Variants in CAPZB observed in about 807,000 individuals in gnomAD.
CAPZB encodes F-actin-capping protein subunit beta.
In CAPZB, 2 loss-of-function variants were observed where a neutral mutation model predicts 38.1. The ratio of observed to expected loss-of-function variants is 0.05; its 90% CI spans 0.02 to 0.17. CAPZB has a LOEUF of 0.17. Among genes scored for constraint, CAPZB ranks in the 10% least tolerant of loss-of-function variants. CAPZB has a pLI of 1.00. For synonymous variants in CAPZB, 107 were observed against 127.4 expected, an observed-to-expected ratio of 0.84 and a Z score of 1.08; for missense variants, 161 against 334.2, an observed-to-expected ratio of 0.48 and a Z score of 4.04.
chr1:19,346,452 T>TAAAAAAAA (rs200968507), intron 6 of CAPZB, among the ~76,000 whole-genome samples: 3 of 73,250 alleles, frequency 4.1e-5, no homozygotes, highest in African/African-American at 1.8e-4. Flanking sequence ...TGAGAGAAGC[T>TAAAAAAAA]AAAAAAAAAA....
chr1:19,480,784 T>C (rs573924366), intron 1 of CAPZB, among the ~76,000 whole-genome samples: 1 of 152,246 alleles, frequency 6.6e-6, no homozygotes, highest in East Asian at 1.9e-4. Context: ...CCAGGCTCTA[T>C]TAGGTAAGTT....
intron 2 of CAPZB, among the ~76,000 whole-genome samples, chr1:19,398,425 G>A (rs371177707): frequency 1.3e-5 from 2 of 152,280 alleles, no homozygotes; most frequent in Non-Finnish European, 1.5e-5. Flanking sequence ...AAATCCTCAC[G>A]ATCACAAGCT....
intron 2 of CAPZB, among the ~76,000 whole-genome samples, chr1:19,403,610 T>A (rs61766719): frequency 0.038 from 5,822 of 152,320 alleles, 132 homozygotes; most frequent in African/African-American, 0.049. Flanking sequence ...TTATCCGAAG[T>A]GCATTTTGGC....
At chr1:19,417,845 C>T (rs997542884) in intron 2 of CAPZB, among the ~76,000 whole-genome samples, 1 of 152,096 alleles carries the variant, frequency 6.6e-6, no homozygotes, top group African/African-American at 2.4e-5. Context: ...GTTTAAAAAT[C>T]AGGATATTCT....
At chr1:19,383,373 G>A (rs1274988264) in intron 3 of CAPZB, among the ~76,000 whole-genome samples, 2 of 151,026 alleles carry the variant, frequency 1.3e-5, no homozygotes, top group Non-Finnish European at 2.9e-5. Context: ...CTTGAACCCA[G>A]GAGACAGAGG....
rs2094606880 is a variant in CAPZB at position 19,476,296 on chromosome 1, A to T, written c.3+9140T>A. Among the ~76,000 whole-genome samples the T allele has an allele frequency of 2.6e-5, 4 of 152,270 alleles. No individual in the cohort carries two copies. In the South Asian group the frequency reaches 8.3e-4, roughly 32 times the overall value. Reference sequence around the variant, plus strand: ...GCAGGCACTGTGGCACATGCCTGTTATCCCAGCTGCATGAGAGGCTGAAGG... The same window carrying T: ...GCAGGCACTGTGGCACATGCCTGTTTTCCCAGCTGCATGAGAGGCTGAAGG... On this transcript the variant is annotated intron_variant, in intron 1 of 8. Coordinates refer to ENST00000264202, the MANE Select transcript of CAPZB (RefSeq NM_004930.5).
chr1:19,470,445 C>T (rs2094583216), intron 1 of CAPZB, among the ~76,000 whole-genome samples: 1 of 152,172 alleles, frequency 6.6e-6, no homozygotes, highest in South Asian at 2.1e-4. Flanking sequence ...CCAATTGCCA[C>T]GAAGCTCTCT....
At chr1:19,342,919 C>T in intron 8 of CAPZB, 2 of 1,057,230 alleles carry the variant, frequency 1.9e-6, no homozygotes, top group Non-Finnish European at 3.0e-6. Flanking sequence ...GACGAGAAGC[C>T]AGGAACGCAG....
chr1:19,434,423 A>C (rs555264114), intron 1 of CAPZB, among the ~76,000 whole-genome samples: 1 of 152,132 alleles, frequency 6.6e-6, no homozygotes, highest in African/African-American at 2.4e-5. Context: ...TTAAATAAAA[A>C]AAAAACAAAA....
chr1:19,447,120 C>T (rs573364567), intron 1 of CAPZB, among the ~76,000 whole-genome samples: 1 of 152,286 alleles, frequency 6.6e-6, no homozygotes, highest in Admixed American at 6.5e-5. Context: ...CATCCCAGCC[C>T]TCACTGGGTG....
chr1:19,482,501 A>T (rs1179950731), intron 1 of CAPZB, among the ~76,000 whole-genome samples: 2 of 152,220 alleles, frequency 1.3e-5, no homozygotes, highest in African/African-American at 4.8e-5. Context: ...CATCATCATA[A>T]CTAAGAATAA....
intron 1 of CAPZB, among the ~76,000 whole-genome samples, chr1:19,423,357 G>T (rs2094408922): frequency 6.6e-6 from 1 of 151,978 alleles, no homozygotes; most frequent in Admixed American, 6.6e-5. Context: ...AACGGTACCG[G>T]AGAATGAAGC....
intron 8 of CAPZB, among the ~76,000 whole-genome samples, chr1:19,340,908 A>G (rs1354022564): frequency 6.6e-6 from 1 of 152,138 alleles, no homozygotes; most frequent in Non-Finnish European, 1.5e-5. Flanking sequence ...CGGAGAGTGC[A>G]CTCAGCCGGA....
At chr1:19,452,421 C>G (rs970550184) in intron 1 of CAPZB, among the ~76,000 whole-genome samples, 1 of 152,188 alleles carries the variant, frequency 6.6e-6, no homozygotes, top group Non-Finnish European at 1.5e-5. Flanking sequence ...GTGGTCGGCT[C>G]ATAGCCAATG....
intron 4 of CAPZB, among the ~76,000 whole-genome samples, chr1:19,362,609 CT>C (rs1395650320): frequency 6.6e-6 from 1 of 151,796 alleles, no homozygotes; most frequent in African/African-American, 2.4e-5. Flanking sequence ...GGTGGGAGGA[CT>C]GCTTGAGCCC....
Position 19,441,987 on chromosome 1 carries a change from C to T in CAPZB, c.4-22237G>A, listed in dbSNP as rs377524757. Among the ~76,000 whole-genome samples, 65 of 122,718 alleles carry T rather than the reference C, an allele frequency of 5.3e-4. 1 individual carries two copies. In the East Asian group the frequency reaches 0.012, roughly 22 times the overall value. The allele number at this position is 122,718 out of a possible 152,430, so 80.5% of individuals were successfully genotyped here. ...TTGTGCCACTGCACTCCAGCCTGGGCGACAGAGCAAGACTCTGTCTCCAAA... is the reference window on the plus strand; with the variant it reads ...TTGTGCCACTGCACTCCAGCCTGGGTGACAGAGCAAGACTCTGTCTCCAAA... On this transcript the variant is annotated intron_variant, in intron 1 of 8. Transcript: ENST00000264202.
chr1:19,458,730 T>G (rs534984450), intron 1 of CAPZB, among the ~76,000 whole-genome samples: 44 of 152,338 alleles, frequency 2.9e-4, no homozygotes, highest in Admixed American at 2.7e-3. Context: ...CTTCAATGTC[T>G]AAGGACAGAT....
chr1:19,417,701 G>A (rs1212305238), intron 2 of CAPZB, among the ~76,000 whole-genome samples: 1 of 152,056 alleles, frequency 6.6e-6, no homozygotes. Flanking sequence ...TTATACTTCA[G>A]TATTTCTCAA....
chr1:19,423,834 G>A lies in CAPZB; in HGVS notation c.4-4084C>T, dbSNP rs560300710. On this transcript the variant is annotated intron_variant, in intron 1 of 8. Transcript: ENST00000264202. ...CTCCAAGTAGCTGGGGGGCCACCAT[G>A]CCTGGCTAATTTTTTGTAGTTTGGT... 2.9e-4 allele frequency among the ~76,000 whole-genome samples: 44 copies of A among 152,196 alleles called. 1 individual carries two copies. Among genetic ancestry groups the A allele is most frequent in the Middle Eastern group, 6.8e-3 (2 of 294 alleles).
Sources: gnomAD v4.1 joint callset for allele counts (sites outside exome capture counted in the v4.1 genomes callset) on GRCh38, gnomAD v4.1.1 for gene constraint, MANE v1.5 for transcripts, NCBI Gene and HGNC (gene_info 2026-07-23, HGNC 2026-07-21) for gene names.